Variants in CEP120 observed in about 807,000 individuals in gnomAD.
CEP120 encodes the protein centrosomal protein of 120 kDa.
A neutral mutation model predicts 126.5 loss-of-function variants in CEP120; 113 were observed. That is an observed-to-expected ratio of 0.89 (90% CI 0.77 to 1.04). CEP120 has a LOEUF of 1.04. CEP120 is among the 50% of genes least tolerant of loss of function. The probability of loss-of-function intolerance (pLI) is 0.00; values close to 1 mark genes in which losing one functional copy is unlikely to be tolerated. For synonymous variants in CEP120, 400 were observed against 394.3 expected, an observed-to-expected ratio of 1.01 and a Z score of -0.17; for missense variants, 1,230 against 1,155.7, an observed-to-expected ratio of 1.06 and a Z score of -0.93.
chr5:123,357,716 C>G (rs1769746130), intron 18 of CEP120, among the ~76,000 whole-genome samples: 1 of 152,072 alleles, frequency 6.6e-6, no homozygotes, highest in African/African-American at 2.4e-5. Flanking sequence ...TGTGAATACA[C>G]CACTGCCCTC....
In CEP120 at chr5:123,382,196, T is replaced by A; in HGVS notation, c.2018A>T (p.Lys673Met). ...MQEDIFENQL[K>M]QKELAHMQAL... ...CTGCATATGAGCCAGTTCTTTCTGC[T>A]TCAGCTACAAAAGGAAGAAAAATAA... The change falls in exon 14 of 20, where the codon AAG (lysine) becomes ATG (methionine). Residue 673 changes from lysine (K) to methionine (M), a missense_variant. Physicochemically the swap from Lys to Met is moderately conservative, Grantham distance 95. Coordinates refer to ENST00000306467, the MANE Select transcript of CEP120 (RefSeq NM_001375405.1). 1 of 1,600,542 alleles carries A rather than the reference T, an allele frequency of 6.2e-7. No homozygotes were observed. Among genetic ancestry groups the A allele is most frequent in the Non-Finnish European group, 8.5e-7 (1 of 1,173,690 alleles).
chr5:123,395,681 CTTTTT>C (rs369612860), intron 5 of CEP120, among the ~76,000 whole-genome samples: 3 of 127,416 alleles, frequency 2.4e-5, no homozygotes, highest in Non-Finnish European at 3.3e-5. Context: ...TACTTCATTC[CTTTTT>C]TTTTTTTTTT....
At chr5:123,412,748 T>C (rs563758337) in intron 3 of CEP120, among the ~76,000 whole-genome samples, 11 of 152,270 alleles carry the variant, frequency 7.2e-5, no homozygotes, top group African/African-American at 2.6e-4. Context: ...GAAATTTAAA[T>C]TGTTTTCTTT....
chr5:123,362,649 A>G (rs185766454), intron 18 of CEP120, among the ~76,000 whole-genome samples: 1 of 151,830 alleles, frequency 6.6e-6, no homozygotes, highest in Admixed American at 6.6e-5. Flanking sequence ...CAGACATGCT[A>G]ATTGCTCTAA....
Position 123,350,047 on chromosome 5 carries a change from C to T in CEP120, c.2623G>A (p.Glu875Lys), listed in dbSNP as rs1247000662. 3 of 1,613,176 alleles carry T rather than the reference C, an allele frequency of 1.9e-6. No individual in the cohort carries two copies. The highest frequency in any genetic ancestry group is 2.5e-6 in the Non-Finnish European group (3 of 1,179,692). The change falls in exon 19 of 20, where the codon GAA becomes AAA. Residue 875 changes from glutamate (E) to lysine (K), a missense_variant. By Grantham distance (56) the Glu-to-Lys change is moderately conservative (BLOSUM62 1). Transcript: ENST00000306467. ...CGTAGTCTCATCTGTTCCAATTCTT[C>T]CTGCTGTTTTTTAAGACGAGCCATT... The part of the protein sequence containing the change: ...SQMARLKKQQ[E>K]ELEQMRLRYL...
At chr5:123,406,667 C>T (rs996819328) in intron 4 of CEP120, among the ~76,000 whole-genome samples, 2 of 150,398 alleles carry the variant, frequency 1.3e-5, no homozygotes, top group Non-Finnish European at 3.0e-5. Flanking sequence ...TAAAAACTCT[C>T]AGACAAATAA....
chr5:123,360,597 G>C (rs941177153), intron 18 of CEP120, among the ~76,000 whole-genome samples: 2 of 150,334 alleles, frequency 1.3e-5, no homozygotes, highest in Non-Finnish European at 3.0e-5. Context: ...CTGAATGTTT[G>C]TGATATTCTC....
At chr5:123,401,649 TCTC>T (rs1360714542) in intron 4 of CEP120, 5 of 1,433,728 alleles carry the variant, frequency 3.5e-6, no homozygotes, top group Admixed American at 3.3e-5. Flanking sequence ...AGCTCCCGGA[TCTC>T]CTCTTCATAC....
chr5:123,372,583 CAT>C, intron 17 of CEP120, 65 bp downstream of exon 17: 1 of 1,426,856 alleles, frequency 7.0e-7, no homozygotes, highest in South Asian at 1.2e-5. Context: ...ATTGTATACA[CAT>C]TATTGATTGA....
At chr5:123,394,668 T>G (rs1772648496) in intron 5 of CEP120, among the ~76,000 whole-genome samples, 1 of 152,228 alleles carries the variant, frequency 6.6e-6, no homozygotes, top group African/African-American at 2.4e-5. Flanking sequence ...ACTAACCACT[T>G]AGATTACAAT....
intron 16 of CEP120, 121 bp downstream of exon 16, chr5:123,377,253 T>C: frequency 1.2e-6 from 1 of 866,640 alleles, no homozygotes; most frequent in South Asian, 1.6e-5. Context: ...AGTGCAATAA[T>C]ATGATTAATA....
rs951270043 is a variant in CEP120, at chr5:123,423,316, G to A, written c.-318C>T. ...CTGCGTAGCCGCTTTTCAAACGCCC[G>A]GGCGGCCGCAGCGGCCGCCGCCGCG... is the stretch of plus-strand genomic sequence containing the variant. On this transcript the variant is annotated 5_prime_UTR_variant, in exon 1 of 20. Transcript: ENST00000306467. 3.7e-5 allele frequency: 14 copies of A among 380,330 alleles called. No individual in the cohort carries two copies. The highest frequency in any genetic ancestry group is 9.5e-6 in the Non-Finnish European group (2 of 210,454). The allele number at this position is 380,330 out of a possible 1,614,324, so 23.6% of individuals were successfully genotyped here. A position where few individuals can be genotyped will look rare whatever the true frequency, so the allele number is the denominator to read the frequency against.
intron 10 of CEP120, 144 bp from the exon 11 acceptor site, chr5:123,385,277 G>T: frequency 1.8e-6 from 1 of 558,382 alleles, no homozygotes; most frequent in Non-Finnish European, 3.1e-6. Context: ...TAGACTGAAT[G>T]CTAAATTTCA....
intron 5 of CEP120, among the ~76,000 whole-genome samples, chr5:123,398,679 CTG>C (rs1338250115): frequency 6.6e-6 from 1 of 152,176 alleles, no homozygotes; most frequent in Non-Finnish European, 1.5e-5. Context: ...ATCCAAGAAC[CTG>C]TGTCTTCTGC....
At position 123,393,415 on chromosome 5, in the gene CEP120, T is replaced by C; in HGVS notation, c.695A>G (p.Asn232Ser). 3 of 1,614,110 alleles carry C rather than the reference T, an allele frequency of 1.9e-6. No individual in the cohort carries two copies. The highest frequency in any genetic ancestry group is 2.2e-5 in the East Asian group (1 of 44,870). ...GTTGATTAAATCATTGAAGGGTTCA[T>C]TTGTAACATCATTTCCCAGTAAAGA... Reference protein sequence around the residue: ...YYSLLGNDVTNEPFNDLINPN... With the variant: ...YYSLLGNDVTSEPFNDLINPN... The change falls in exon 6 of 20, where the codon AAT (asparagine) becomes AGT (serine). Residue 232 changes from asparagine to serine, a missense_variant. Coordinates refer to ENST00000306467, the MANE Select transcript of CEP120 (RefSeq NM_001375405.1).
chr5:123,373,901 C>G (rs965673262), intron 16 of CEP120, among the ~76,000 whole-genome samples: 4 of 152,004 alleles, frequency 2.6e-5, no homozygotes, highest in Non-Finnish European at 5.9e-5. Context: ...CAGTTACAAC[C>G]TGGATCTCAA....
chr5:123,415,163 G>C (rs1301255976), intron 3 of CEP120, among the ~76,000 whole-genome samples: 3 of 152,102 alleles, frequency 2.0e-5, no homozygotes, highest in African/African-American at 7.2e-5. Flanking sequence ...TGCAAGGAAT[G>C]CAAGGAGCAG....
At position 123,347,649 on chromosome 5, in the gene CEP120, A is replaced by G. The variant is rs867977036; in HGVS notation, c.2727-896T>C. Among the ~76,000 whole-genome samples, 7 of 151,926 alleles carry G rather than the reference A, an allele frequency of 4.6e-5. No homozygotes were observed. In the South Asian group the frequency reaches 1.0e-3, roughly 22 times the overall value. On this transcript the variant is annotated intron_variant, in intron 19 of 19. Transcript: ENST00000306467. ...TGGAGCAGTAATAATAATACTTAGTATATTTTGTTTGTTTGAGACAAGGTC... is the reference window on the plus strand; with the variant it reads ...TGGAGCAGTAATAATAATACTTAGTGTATTTTGTTTGTTTGAGACAAGGTC...
At chr5:123,353,990 T>C (rs1769385689) in intron 18 of CEP120, among the ~76,000 whole-genome samples, 1 of 152,120 alleles carries the variant, frequency 6.6e-6, no homozygotes, top group Non-Finnish European at 1.5e-5. Flanking sequence ...CTTGTTCTAC[T>C]GAGTTTTTGA....
Sources: allele counts gnomAD v4.1 joint callset (sites outside exome capture counted in the v4.1 genomes callset), GRCh38; gene constraint gnomAD v4.1.1; transcripts MANE v1.5; gene names NCBI Gene and HGNC (gene_info 2026-07-23, HGNC 2026-07-21).